IMMP2L: variants seen among roughly 807,000 people sequenced by gnomAD.
The protein encoded by IMMP2L is inner mitochondrial membrane peptidase subunit 2, also known as mitochondrial inner membrane protease subunit 2.
A neutral mutation model predicts 19.3 loss-of-function variants in IMMP2L; 18 were observed. The ratio of observed to expected loss-of-function variants is 0.93; its 90% CI spans 0.64 to 1.38. The LOEUF is 1.38. Ranked by LOEUF, IMMP2L falls within the 40% of genes most tolerant of loss-of-function variation. The probability of loss-of-function intolerance (pLI) is 0.00; values close to 1 mark genes in which losing one functional copy is unlikely to be tolerated. For missense variants in IMMP2L, 233 were observed against 218.2 expected (o/e 1.07, Z -0.43); for synonymous variants, 76 against 73.0 (o/e 1.04, Z -0.21).
intron 3 of IMMP2L, among the ~76,000 whole-genome samples, chr7:111,142,373 G>A (rs1803029769): frequency 6.8e-6 from 1 of 146,970 alleles, no homozygotes; most frequent in Non-Finnish European, 1.5e-5. Context: ...AGAAAGAATA[G>A]AAAAGAGCTT....
chr7:110,796,530 A>G (rs867017505), intron 5 of IMMP2L, among the ~76,000 whole-genome samples: 1 of 152,068 alleles, frequency 6.6e-6, no homozygotes, highest in Non-Finnish European at 1.5e-5. Flanking sequence ...ATATTATTGG[A>G]CCAAGTTCTC....
intron 3 of IMMP2L, among the ~76,000 whole-genome samples, chr7:111,276,941 C>CT (rs1327434333): frequency 6.6e-6 from 1 of 152,040 alleles, no homozygotes; most frequent in Non-Finnish European, 1.5e-5. Flanking sequence ...GGACCCATAC[C>CT]TCCTTTCACC....
intron 3 of IMMP2L, among the ~76,000 whole-genome samples, chr7:111,378,009 A>G (rs947999518): frequency 6.6e-6 from 1 of 152,022 alleles, no homozygotes; most frequent in Admixed American, 6.6e-5. Context: ...CATTAAAAAA[A>G]ATCATGTTAA....
intron 5 of IMMP2L, among the ~76,000 whole-genome samples, chr7:110,849,899 A>C (rs1001085663): frequency 5.9e-5 from 9 of 152,148 alleles, no homozygotes; most frequent in Non-Finnish European, 1.2e-4. Flanking sequence ...AAACAAAATT[A>C]GATTATGCCA....
chr7:111,452,869 A>G (rs758579709), intron 3 of IMMP2L, among the ~76,000 whole-genome samples: 23 of 152,172 alleles, frequency 1.5e-4, no homozygotes, highest in African/African-American at 2.2e-4. Context: ...AAAAATGTAC[A>G]TATTTACTAT....
chr7:111,500,263 C>T (rs1328681456), intron 2 of IMMP2L, among the ~76,000 whole-genome samples: 1 of 152,142 alleles, frequency 6.6e-6, no homozygotes, highest in Non-Finnish European at 1.5e-5. Context: ...GGGGAAGGGG[C>T]GCCTGCCATT....
chr7:111,105,168 T>C (rs1798406957), intron 3 of IMMP2L, among the ~76,000 whole-genome samples: 1 of 151,852 alleles, frequency 6.6e-6, no homozygotes, highest in Non-Finnish European at 1.5e-5. Context: ...CACAAAACCT[T>C]TGAAGTGCCC....
chr7:111,445,538 T>C (rs7807396), intron 3 of IMMP2L, among the ~76,000 whole-genome samples: 1 of 151,918 alleles, frequency 6.6e-6, no homozygotes, highest in Non-Finnish European at 1.5e-5. Flanking sequence ...AACGAAACTT[T>C]AAAGGACTAA....
intron 3 of IMMP2L, among the ~76,000 whole-genome samples, chr7:111,049,783 G>C (rs939408255): frequency 6.6e-6 from 1 of 152,208 alleles, no homozygotes; most frequent in Non-Finnish European, 1.5e-5. Context: ...AAAGGACGCA[G>C]TCAAAAGTTT....
chr7:111,241,188 A>G (rs1814983256), intron 3 of IMMP2L, among the ~76,000 whole-genome samples: 1 of 152,010 alleles, frequency 6.6e-6, no homozygotes, highest in Non-Finnish European at 1.5e-5. Context: ...ATTATCAATA[A>G]GATTACATAT....
At chr7:111,301,159 T>G (rs1822196073) in intron 3 of IMMP2L, among the ~76,000 whole-genome samples, 1 of 152,158 alleles carries the variant, frequency 6.6e-6, no homozygotes, top group East Asian at 1.9e-4. Flanking sequence ...TAGTAATAAC[T>G]TATTGTGATT....
chr7:111,360,459 A>C (rs1829158044), intron 3 of IMMP2L, among the ~76,000 whole-genome samples: 1 of 152,128 alleles, frequency 6.6e-6, no homozygotes, highest in South Asian at 2.1e-4. Flanking sequence ...AACATATTGA[A>C]TGCAAAAGCA....
At chr7:110,769,819 T>G (rs1798920323) in intron 5 of IMMP2L, among the ~76,000 whole-genome samples, 2 of 152,094 alleles carry the variant, frequency 1.3e-5, no homozygotes, top group South Asian at 2.1e-4. Context: ...GTGAGTGAAG[T>G]CAGCCCCGGA....
Position 111,302,530 on chromosome 7 carries a change from G to A in IMMP2L, c.239+184708C>T, listed in dbSNP as rs369877326. Among the ~76,000 whole-genome samples the A allele has an allele frequency of 9.9e-5, 15 of 152,046 alleles. No homozygotes were observed. In the East Asian group the frequency reaches 2.9e-3, roughly 29 times the overall value. ...TGTGTGTGTGTGTGCAGGCACATGC[G>A]GGCTCATTCAGTCTTCATGATAACC... On this transcript the variant is annotated intron_variant, in intron 3 of 5. Transcript: ENST00000405709.
intron 3 of IMMP2L, among the ~76,000 whole-genome samples, chr7:111,446,449 T>C (rs958111195): frequency 6.7e-6 from 1 of 149,712 alleles, no homozygotes; most frequent in African/African-American, 2.5e-5. Context: ...AGGGGCACAC[T>C]GACACCTCAC....
chr7:110,703,590 GTT>G (rs1407053421), intron 5 of IMMP2L, among the ~76,000 whole-genome samples: 1 of 152,050 alleles, frequency 6.6e-6, no homozygotes, highest in Non-Finnish European at 1.5e-5. Context: ...TACAAAATCA[GTT>G]TGCCTTGTAG....
intron 4 of IMMP2L, among the ~76,000 whole-genome samples, chr7:110,942,679 A>G (rs1209451487): frequency 6.6e-6 from 1 of 151,966 alleles, no homozygotes; most frequent in African/African-American, 2.4e-5. Flanking sequence ...CCACCAAGAA[A>G]TCCAAAACCA....
chr7:110,683,754 TC>T (rs1792906807), intron 5 of IMMP2L, among the ~76,000 whole-genome samples: 2 of 152,156 alleles, frequency 1.3e-5, no homozygotes, highest in South Asian at 4.1e-4. Flanking sequence ...TATATAGACT[TC>T]ATTGTTGTTA....
At chr7:111,307,129 A>C (rs146865841) in intron 3 of IMMP2L, among the ~76,000 whole-genome samples, 1 of 151,428 alleles carries the variant, frequency 6.6e-6, no homozygotes, top group Admixed American at 6.6e-5. Flanking sequence ...TCTATTATAC[A>C]ATCTTAAATT....
Sources: allele counts gnomAD v4.1 joint callset (sites outside exome capture counted in the v4.1 genomes callset), GRCh38; gene constraint gnomAD v4.1.1; transcripts MANE v1.5; gene names NCBI Gene and HGNC (gene_info 2026-07-23, HGNC 2026-07-21).